The following PCDHA2 variants were observed in gnomAD, a reference collection of about 807,000 sequenced individuals.
PCDHA2 encodes the protein protocadherin alpha 2.
PCDHA2 carries 58 observed loss-of-function variants against 66.0 expected under a neutral mutation model. The observed-to-expected ratio is 0.88, with a 90% CI of 0.71 to 1.09. The LOEUF (loss-of-function observed/expected upper bound fraction) is 1.09, where lower values mean the gene tolerates loss of function less well. Ranked by LOEUF, PCDHA2 falls within the 50% of genes least tolerant of loss-of-function variation. The pLI is 0.00. For missense variants in PCDHA2, 1,267 were observed against 1,242.3 expected, an observed-to-expected ratio of 1.02 and a Z score of -0.30; for synonymous variants, 634 against 554.0, an observed-to-expected ratio of 1.14 and a Z score of -2.03.
At position 140,809,061 on chromosome 5, in the gene PCDHA2, G is replaced by T. The variant is rs1554124972; in HGVS notation, c.2388+11709G>T. 3 of 1,613,928 alleles carry T rather than the reference G, an allele frequency of 1.9e-6. No homozygotes were observed. In the Admixed American group the frequency reaches 5.0e-5, roughly 27 times the overall value. On this transcript the variant is annotated intron_variant, in intron 1 of 3. Coordinates refer to ENST00000526136, the MANE Select transcript of PCDHA2 (RefSeq NM_018905.3). The stretch of plus-strand genomic sequence containing the variant: ...GGCGCGCGCATCCCGTTCCGCGTGG[G>T]GCTGTACACTGGCGAGATCAGCACA...
chr5:140,965,493 C>A (rs1214376252), intron 1 of PCDHA2, among the ~76,000 whole-genome samples: 1 of 147,046 alleles, frequency 6.8e-6, no homozygotes, highest in African/African-American at 2.5e-5. Flanking sequence ...TTAATGACAG[C>A]AGATTTTTTT....
chr5:140,932,002 T>G (rs1305093438), intron 1 of PCDHA2, among the ~76,000 whole-genome samples: 1 of 151,956 alleles, frequency 6.6e-6, no homozygotes, highest in East Asian at 1.9e-4. Flanking sequence ...CTAAGTTCTT[T>G]CATTTTAGTT....
At chr5:140,807,021 G>A in intron 1 of PCDHA2, 1 of 820,396 alleles carries the variant, frequency 1.2e-6, no homozygotes, top group Non-Finnish European at 1.9e-6. Context: ...ATACATGAGA[G>A]AAGGAGGAAG....
intron 3 of PCDHA2, among the ~76,000 whole-genome samples, chr5:141,006,404 G>T (rs1001810745): frequency 6.6e-6 from 1 of 151,938 alleles, no homozygotes; most frequent in Admixed American, 6.6e-5. Flanking sequence ...TAGTAGAGAC[G>T]CGGTTTCACT....
chr5:140,965,676 G>A (rs906070464), intron 1 of PCDHA2, among the ~76,000 whole-genome samples: 1 of 152,132 alleles, frequency 6.6e-6, no homozygotes, highest in African/African-American at 2.4e-5. Flanking sequence ...AAATGTAAAA[G>A]ATTTGAAGCA....
intron 1 of PCDHA2, chr5:140,828,172 G>C: frequency 3.1e-6 from 5 of 1,614,172 alleles, no homozygotes; most frequent in Non-Finnish European, 4.2e-6. Context: ...GGAAGGTGGG[G>C]AGCGGCCAGC....
In PCDHA2 at chr5:140,869,069, A is replaced by G. The variant is rs781835431; in HGVS notation, c.2388+71717A>G. 4 of 1,572,072 alleles carry G rather than the reference A, an allele frequency of 2.5e-6. No individual in the cohort carries two copies. The East Asian group carries it at 9.0e-5, about 35-fold the overall frequency. ...CTGAAGAATCTGGTACTGTAAGTGT[A>G]AAGAAGCTTATTTTGGAAGCCAATT... On this transcript the variant is annotated intron_variant, in intron 1 of 3. Coordinates refer to ENST00000526136, the MANE Select transcript of PCDHA2 (RefSeq NM_018905.3).
At chr5:140,809,495 A>G (rs782500159) in intron 1 of PCDHA2, 2 of 1,614,238 alleles carry the variant, frequency 1.2e-6, no homozygotes, top group Admixed American at 1.7e-5. Flanking sequence ...GACCGACCTC[A>G]TGGCCTTCAG....
chr5:140,836,884 T>C (rs1387111400), intron 1 of PCDHA2: 2 of 642,656 alleles, frequency 3.1e-6, no homozygotes, highest in African/African-American at 3.7e-5. Context: ...TTGCACTAAT[T>C]ATTTGGAAGT....
At chr5:140,862,706 G>A in intron 1 of PCDHA2, 1 of 558,712 alleles carries the variant, frequency 1.8e-6, no homozygotes, top group South Asian at 1.4e-5. Context: ...ATGGAACAGC[G>A]GGTGGGCGAG....
At chr5:140,927,318 C>T (rs149532133) in intron 1 of PCDHA2, 18,448 of 1,614,194 alleles carry the variant, frequency 0.011, 218 homozygotes, top group South Asian at 0.039. Flanking sequence ...CCGGAGCCCG[C>T]TTTACTCTCC....
At chr5:140,880,496 A>G (rs965874952) in intron 1 of PCDHA2, among the ~76,000 whole-genome samples, 4 of 152,206 alleles carry the variant, frequency 2.6e-5, no homozygotes, top group African/African-American at 4.8e-5. Flanking sequence ...AGAGCAATTG[A>G]ATTTCTGTTT....
At chr5:140,937,821 A>G (rs1270019197) in intron 1 of PCDHA2, among the ~76,000 whole-genome samples, 2 of 151,608 alleles carry the variant, frequency 1.3e-5, no homozygotes, top group Non-Finnish European at 2.9e-5. Flanking sequence ...CTGAGGCAGG[A>G]GAATGGCATG....
At chr5:140,958,515 A>G (rs1217324801) in intron 1 of PCDHA2, among the ~76,000 whole-genome samples, 1 of 152,150 alleles carries the variant, frequency 6.6e-6, no homozygotes, top group Non-Finnish European at 1.5e-5. Flanking sequence ...TGGCTGTCCA[A>G]TATATACTAT....
chr5:140,937,069 G>A (rs1385358225), intron 1 of PCDHA2, among the ~76,000 whole-genome samples: 3 of 138,378 alleles, frequency 2.2e-5, no homozygotes, highest in South Asian at 2.2e-4. Context: ...ACGGAGTCTC[G>A]CTCTGTCGCC....
chr5:140,860,639 G>A (rs2046488038), intron 1 of PCDHA2: 1 of 152,224 alleles, frequency 6.6e-6, no homozygotes, highest in Non-Finnish European at 1.5e-5. Flanking sequence ...AATCAGGAAC[G>A]AAGAAGATAA....
intron 1 of PCDHA2, chr5:140,805,027 T>G (rs1554123190): frequency 6.3e-7 from 1 of 1,579,868 alleles, no homozygotes; most frequent in Non-Finnish European, 8.6e-7. Context: ...TTCTTGAATA[T>G]AATAGAGTCA....
In PCDHA2 at chr5:140,858,601, A is replaced by G. The variant is rs7341057; in HGVS notation, c.2388+61249A>G. On this transcript the variant is annotated intron_variant, in intron 1 of 3. Transcript: ENST00000526136. ...TAATATAATTTATTCCAGGAGTTTT[A>G]AAATTTTTTTATCCTACCCAGTGTG... 747 of 1,295,358 alleles carry G rather than the reference A, an allele frequency of 5.8e-4. 36 individuals carry two copies. The African/African-American group carries it at 0.01, about 18-fold the overall frequency. 80.2% of individuals were successfully genotyped at this position (1,295,358 alleles called of 1,614,324 possible).
In PCDHA2 at chr5:140,857,513, G is replaced by T. The variant is rs781950263; in HGVS notation, c.2388+60161G>T. 3 of 1,598,208 alleles carry T rather than the reference G, an allele frequency of 1.9e-6. No individual in the cohort carries two copies. In the South Asian group the frequency reaches 3.3e-5, roughly 18 times the overall value. On this transcript the variant is annotated intron_variant, in intron 1 of 3. Transcript: ENST00000526136. ...CGCGGACGCGCAGGAGAACGCCCTG[G>T]TGTCCTACTCTCTGGTGGAGCGGCG...
Sources: allele counts gnomAD v4.1 joint callset (sites outside exome capture counted in the v4.1 genomes callset), GRCh38; gene constraint gnomAD v4.1.1; transcripts MANE v1.5; gene names NCBI Gene and HGNC (gene_info 2026-07-23, HGNC 2026-07-21).